The following ZFYVE28 variants were observed in gnomAD, a reference collection of about 807,000 sequenced individuals.
The protein encoded by ZFYVE28 is lateral signaling target protein 2 homolog.
Under a neutral mutation model 82.1 loss-of-function variants are expected in ZFYVE28, and 40 were observed. The observed-to-expected ratio is 0.49, with a 90% CI of 0.38 to 0.63. ZFYVE28 has a LOEUF of 0.63. Among genes scored for constraint, ZFYVE28 ranks in the 30% least tolerant of loss-of-function variants. ZFYVE28 has a pLI of 0.00. For synonymous variants in ZFYVE28, 612 were observed against 546.1 expected (o/e 1.12, Z -1.68); for missense variants, 1,321 against 1,242.1 (o/e 1.06, Z -0.96).
intron 1 of ZFYVE28, among the ~76,000 whole-genome samples, chr4:2,355,232 A>AAAATGATTC (rs1560269741): frequency 9.8e-5 from 3 of 30,716 alleles, no homozygotes; most frequent in Admixed American, 3.5e-4. Context: ...ATATATATAT[A>AAAATGATTC]TATATATATA....
At chr4:2,316,707 T>TC (rs1467727327) in intron 7 of ZFYVE28, among the ~76,000 whole-genome samples, 1 of 151,974 alleles carries the variant, frequency 6.6e-6, no homozygotes, top group East Asian at 1.9e-4. Flanking sequence ...CTCTTTTTTT[T>TC]TTTGAGATGG....
In ZFYVE28 at chr4:2,397,548, A is replaced by G. The variant is rs569653385; in HGVS notation, c.39+20737T>C. Among the ~76,000 whole-genome samples, 5 of 149,800 alleles carry G rather than the reference A, an allele frequency of 3.3e-5. No homozygotes were observed. In the East Asian group the frequency reaches 9.8e-4, roughly 29 times the overall value. ...ACCATCCCTTCTCCACAACTTTCTC[A>G]CCTTCCCAAACTCTGTCCCCATTAA... is the stretch of plus-strand genomic sequence containing the variant. On this transcript the variant is annotated intron_variant, in intron 1 of 12. Transcript: ENST00000290974.
chr4:2,313,539 T>A (rs1376624999), intron 7 of ZFYVE28, among the ~76,000 whole-genome samples: 1 of 152,156 alleles, frequency 6.6e-6, no homozygotes, highest in Non-Finnish European at 1.5e-5. Context: ...ACTACAGGTA[T>A]GAACCACTGC....
rs1721560737 is a variant in ZFYVE28 at position 2,335,627 on chromosome 4, C to T, written c.701+78G>A. 7.2e-7 allele frequency: 1 copy of T among 1,393,640 alleles called. No individual in the cohort carries two copies. The highest frequency in any genetic ancestry group is 9.9e-7 in the Non-Finnish European group (1 of 1,009,518). 86.3% of individuals were successfully genotyped at this position (1,393,640 alleles called of 1,614,324 possible). A position where few individuals can be genotyped will look rare whatever the true frequency, so the allele number is the denominator to read the frequency against. On this transcript the variant is annotated intron_variant, in intron 6 of 12. Transcript: ENST00000290974. The surrounding 1 kb of genome is among the most constrained non-coding windows in gnomAD (Gnocchi z 5.8). ...GAGGTGGAGACGCCATGGACCGGCACCCGCACGGGACCTGGCACCATCAGC... is the reference window on the plus strand; with the variant it reads ...GAGGTGGAGACGCCATGGACCGGCATCCGCACGGGACCTGGCACCATCAGC...
At chr4:2,354,115 T>G in intron 1 of ZFYVE28, 42 bp from the exon 2 acceptor site, 1 of 1,444,940 alleles carries the variant, frequency 6.9e-7, no homozygotes. Context: ...GGTGGGGAAC[T>G]GGAGGGGATG....
At chr4:2,359,337 G>C (rs1258752872) in intron 1 of ZFYVE28, among the ~76,000 whole-genome samples, 2 of 152,080 alleles carry the variant, frequency 1.3e-5, no homozygotes, top group African/African-American at 4.8e-5. Context: ...TGTTGCCCGG[G>C]CTGGTCTGGA....
At position 2,339,627 on chromosome 4, in the gene ZFYVE28, T is replaced by C; in HGVS notation, c.347A>G (p.Asn116Ser). 6.2e-7 allele frequency: 1 copy of C among 1,608,948 alleles called. No homozygotes were observed. ...CATGGCCATGCTCTCCAGCTCCCGG[T>C]TCATGATGATGGAGCCGGCGGCCAG... ...ECLAAGSIIM[N>S]RELESMAMRP... The change falls in exon 4 of 13, where the codon AAC becomes AGC. Residue 116 changes from asparagine to serine, a missense_variant. Physicochemically the swap from Asn to Ser is conservative, Grantham distance 46 (BLOSUM62 1). This residue lies in a region of ZFYVE28 where 343 missense variants were observed against 408.4 expected (regional missense o/e 0.84). Transcript: ENST00000290974. The surrounding 1 kb of genome is among the most constrained non-coding windows in gnomAD (Gnocchi z 5.0).
chr4:2,399,376 C>G (rs1381695256), intron 1 of ZFYVE28, among the ~76,000 whole-genome samples: 2 of 152,170 alleles, frequency 1.3e-5, no homozygotes, highest in African/African-American at 4.8e-5. Context: ...CCCCTCTTTG[C>G]GGAGCTGGGC....
chr4:2,275,408 G>T (rs1036728703), intron 8 of ZFYVE28, among the ~76,000 whole-genome samples: 1 of 152,094 alleles, frequency 6.6e-6, no homozygotes, highest in Non-Finnish European at 1.5e-5. Flanking sequence ...CCCCCAACTC[G>T]TTCTTCTAAT....
At chr4:2,361,460 T>G (rs1726144582) in intron 1 of ZFYVE28, among the ~76,000 whole-genome samples, 1 of 152,026 alleles carries the variant, frequency 6.6e-6, no homozygotes, top group African/African-American at 2.4e-5. Flanking sequence ...GACCCACGTG[T>G]GATGACCCTG....
At chr4:2,307,848 T>G (rs1480871750) in intron 7 of ZFYVE28, among the ~76,000 whole-genome samples, 2 of 152,206 alleles carry the variant, frequency 1.3e-5, no homozygotes, top group Non-Finnish European at 2.9e-5. Context: ...TTGATTTTTG[T>G]GTACAGTAGT....
intron 6 of ZFYVE28, among the ~76,000 whole-genome samples, chr4:2,324,232 G>A (rs1019809893): frequency 2.6e-5 from 4 of 152,138 alleles, no homozygotes; most frequent in Non-Finnish European, 5.9e-5. Flanking sequence ...CCTTACTTGC[G>A]GATCTCAGTC....
chr4:2,364,773 G>A (rs1726644077), intron 1 of ZFYVE28: 2 of 985,436 alleles, frequency 2.0e-6, no homozygotes, highest in African/African-American at 1.7e-5. Context: ...CCGCGCCCTC[G>A]TCAAGGCGCC....
At chr4:2,334,870 C>G (rs1721410010) in intron 6 of ZFYVE28, among the ~76,000 whole-genome samples, 1 of 87,252 alleles carries the variant, frequency 1.1e-5, no homozygotes, top group Admixed American at 1.2e-4. Context: ...GCCTCCCCCC[C>G]AGCTGCAAGC....
chr4:2,330,982 A>G (rs1429950529), intron 6 of ZFYVE28: 1 of 1,534,948 alleles, frequency 6.5e-7, no homozygotes, highest in East Asian at 2.4e-5. Flanking sequence ...AGGATCCGGC[A>G]ACCATCCTGC....
chr4:2,393,079 C>T (rs1730008601), intron 1 of ZFYVE28, among the ~76,000 whole-genome samples: 1 of 152,260 alleles, frequency 6.6e-6, no homozygotes, highest in South Asian at 2.1e-4. Flanking sequence ...GCGTCTGCCC[C>T]TCCTTTGAGG....
At chr4:2,331,002 G>T in intron 6 of ZFYVE28, 1 of 1,534,366 alleles carries the variant, frequency 6.5e-7, no homozygotes, top group Non-Finnish European at 8.7e-7. Context: ...CAGGCCACGT[G>T]GGCGGTGGCT....
intron 10 of ZFYVE28, 115 bp from the exon 11 acceptor site, chr4:2,271,894 G>T: frequency 1.1e-6 from 1 of 909,894 alleles, no homozygotes; most frequent in East Asian, 2.6e-5. Flanking sequence ...AGCTCCCCAA[G>T]CCCACTGGCA....
Position 2,312,874 on chromosome 4 carries a change from G to A in ZFYVE28, c.803+7296C>T, listed in dbSNP as rs144799682. 3.1e-3 allele frequency among the ~76,000 whole-genome samples: 465 copies of A among 151,944 alleles called. 5 individuals are homozygous for A. Among genetic ancestry groups the A allele is most frequent in the African/African-American group, 0.011 (446 of 41,452 alleles). On this transcript the variant is annotated intron_variant, in intron 7 of 12. Coordinates refer to ENST00000290974, the MANE Select transcript of ZFYVE28 (RefSeq NM_020972.3). ...AGCCTGGCCAACATGGTGAAACCCC[G>A]TTTCTACTAAAGATACAAAAATTAG... is the stretch of plus-strand genomic sequence containing the variant.
Sources: allele counts gnomAD v4.1 joint callset (sites outside exome capture counted in the v4.1 genomes callset), GRCh38; gene constraint gnomAD v4.1.1; regional missense constraint gnomAD v4.1.1; non-coding constraint Gnocchi (gnomAD v3.1); transcripts MANE v1.5; gene names NCBI Gene and HGNC (gene_info 2026-07-23, HGNC 2026-07-21).